Variants in FBXL7 observed in about 807,000 individuals in gnomAD.
The protein encoded by FBXL7 is F-box/LRR-repeat protein 7.
FBXL7 carries 12 observed loss-of-function variants against 38.3 expected under a neutral mutation model. The observed-to-expected ratio is 0.31, with a 90% CI of 0.20 to 0.51. FBXL7 has a LOEUF of 0.51. Among genes scored for constraint, FBXL7 ranks in the 20% least tolerant of loss-of-function variants. The pLI, the probability that FBXL7 is intolerant of heterozygous loss-of-function variation, is 0.98. For synonymous variants in FBXL7, 297 were observed against 300.9 expected, an observed-to-expected ratio of 0.99 and a Z score of 0.13; for missense variants, 567 against 676.4, an observed-to-expected ratio of 0.84 and a Z score of 1.79.
At chr5:15,708,721 T>C (rs1471072767) in intron 2 of FBXL7, among the ~76,000 whole-genome samples, 1 of 152,226 alleles carries the variant, frequency 6.6e-6, no homozygotes, top group Non-Finnish European at 1.5e-5. Context: ...AGTGCTTTTA[T>C]TCTCAGTTCT....
intron 1 of FBXL7, among the ~76,000 whole-genome samples, chr5:15,590,935 T>A (rs1043613502): frequency 1.3e-5 from 2 of 152,184 alleles, no homozygotes; most frequent in African/African-American, 4.8e-5. Flanking sequence ...CCTTTCTATT[T>A]TTATAGGATG....
chr5:15,805,708 T>A (rs1260288160), intron 2 of FBXL7, among the ~76,000 whole-genome samples: 4 of 151,982 alleles, frequency 2.6e-5, no homozygotes, highest in Admixed American at 2.0e-4. Flanking sequence ...AGTAATCTAT[T>A]CAGAAAAAAA....
chr5:15,932,845 C>T lies in FBXL7; in HGVS notation c.740-3605C>T, dbSNP rs559488307. ...AAGTTTCCAAAGACCCCTGGGTGCC[C>T]GGTGTCTGAATGTTCACTTCATTTT... On this transcript the variant is annotated intron_variant, in intron 3 of 3. Coordinates refer to ENST00000504595, the MANE Select transcript of FBXL7 (RefSeq NM_012304.5). Among the ~76,000 whole-genome samples the T allele has an allele frequency of 2.2e-4, 33 of 152,196 alleles. 1 individual carries two copies. The highest frequency in any genetic ancestry group is 1.7e-3 in the South Asian group (8 of 4,820).
chr5:15,936,590 G>T lies in FBXL7; in HGVS notation c.880G>T (p.Ala294Ser). ...VLEDEGLHTI[A>S]AHCTQLTHLY... Reference sequence around the variant, plus strand: ...GGAGGACGAAGGCCTGCACACCATCGCGGCGCACTGCACGCAGCTCACCCA... The same window carrying T: ...GGAGGACGAAGGCCTGCACACCATCTCGGCGCACTGCACGCAGCTCACCCA... Residue 294 changes from alanine to serine, a missense_variant, in exon 4 of 4, where the codon GCG (alanine) becomes TCG (serine). Ala to Ser is a moderately conservative substitution (Grantham distance 99, BLOSUM62 1). Transcript: ENST00000504595. The surrounding 1 kb of genome is among the most constrained non-coding windows in gnomAD (Gnocchi z 6.0). 6.2e-7 allele frequency: 1 copy of T among 1,611,644 alleles called. No homozygotes were observed.
intron 2 of FBXL7, among the ~76,000 whole-genome samples, chr5:15,752,332 G>GGA (rs1736176334): frequency 6.6e-6 from 1 of 151,766 alleles, no homozygotes; most frequent in South Asian, 2.1e-4. Flanking sequence ...AATCTTGGGG[G>GGA]AAAAATGGAA....
intron 2 of FBXL7, among the ~76,000 whole-genome samples, chr5:15,904,280 T>C (rs1297903307): frequency 6.6e-6 from 1 of 152,316 alleles, no homozygotes; most frequent in African/African-American, 2.4e-5. Context: ...CTTTCTGACA[T>C]CTTGTGTACT....
chr5:15,671,452 T>G (rs1742473566), intron 2 of FBXL7, among the ~76,000 whole-genome samples: 1 of 61,770 alleles, frequency 1.6e-5, no homozygotes, highest in Non-Finnish European at 3.3e-5. Context: ...CAATTGGTGT[T>G]TTTTTTTTTG....
chr5:15,891,590 G>A (rs961905960), intron 2 of FBXL7, among the ~76,000 whole-genome samples: 2 of 152,148 alleles, frequency 1.3e-5, no homozygotes, highest in Non-Finnish European at 2.9e-5. Flanking sequence ...ATATAAATGA[G>A]TATATTATAT....
intron 2 of FBXL7, among the ~76,000 whole-genome samples, chr5:15,674,794 G>A (rs989690697): frequency 1.3e-5 from 2 of 152,190 alleles, no homozygotes; most frequent in Admixed American, 1.3e-4. Context: ...GTGGATTTTA[G>A]TGTTTCCCTG....
chr5:15,852,966 G>A (rs1739144045), intron 2 of FBXL7, among the ~76,000 whole-genome samples: 1 of 152,126 alleles, frequency 6.6e-6, no homozygotes, highest in Non-Finnish European at 1.5e-5. Context: ...CTTATGGAGG[G>A]CTGTCACTCA....
chr5:15,640,905 C>T (rs1011153165), intron 2 of FBXL7, among the ~76,000 whole-genome samples: 9 of 152,162 alleles, frequency 5.9e-5, no homozygotes, highest in Non-Finnish European at 1.0e-4. Flanking sequence ...GCTTTCTTCG[C>T]ATCCTTTGCC....
At chr5:15,656,523 T>C (rs1741886458) in intron 2 of FBXL7, among the ~76,000 whole-genome samples, 1 of 152,148 alleles carries the variant, frequency 6.6e-6, no homozygotes, top group African/African-American at 2.4e-5. Context: ...GTGAGATTTA[T>C]TCACTACCAT....
intron 2 of FBXL7, among the ~76,000 whole-genome samples, chr5:15,778,528 C>G (rs1199213598): frequency 6.6e-6 from 1 of 152,148 alleles, no homozygotes; most frequent in Non-Finnish European, 1.5e-5. Context: ...CTGACCTGAT[C>G]TTTTCCCCTA....
chr5:15,727,897 G>C (rs549572277), intron 2 of FBXL7, among the ~76,000 whole-genome samples: 1 of 152,152 alleles, frequency 6.6e-6, no homozygotes, highest in South Asian at 2.1e-4. Flanking sequence ...TTGGGATCTG[G>C]TTACTTCCAT....
intron 2 of FBXL7, among the ~76,000 whole-genome samples, chr5:15,831,641 T>C (rs1179283585): frequency 6.6e-6 from 1 of 152,178 alleles, no homozygotes; most frequent in East Asian, 1.9e-4. Context: ...CCACAGACTG[T>C]GTTCTGTGAA....
At chr5:15,902,965 G>A (rs573401297) in intron 2 of FBXL7, among the ~76,000 whole-genome samples, 20 of 152,304 alleles carry the variant, frequency 1.3e-4, no homozygotes, top group Non-Finnish European at 2.2e-4. Flanking sequence ...AACCCACCAC[G>A]GGTCTGGGCT....
At chr5:15,905,929 T>C (rs1741347446) in intron 2 of FBXL7, among the ~76,000 whole-genome samples, 1 of 151,854 alleles carries the variant, frequency 6.6e-6, no homozygotes, top group African/African-American at 2.4e-5. Flanking sequence ...GAACAGGAAG[T>C]GTAACCAACT....
At chr5:15,513,208 G>T (rs1736847446) in intron 1 of FBXL7, among the ~76,000 whole-genome samples, 1 of 151,450 alleles carries the variant, frequency 6.6e-6, no homozygotes, top group South Asian at 2.1e-4. Flanking sequence ...ACATACATGA[G>T]AATAGATTTA....
intron 1 of FBXL7, among the ~76,000 whole-genome samples, chr5:15,523,929 A>T (rs1467639545): frequency 6.6e-6 from 1 of 152,176 alleles, no homozygotes; most frequent in Non-Finnish European, 1.5e-5. Flanking sequence ...TTGCAGAAGA[A>T]TCAGAAGTTT....
Sources: allele counts gnomAD v4.1 joint callset (sites outside exome capture counted in the v4.1 genomes callset), GRCh38; gene constraint gnomAD v4.1.1; non-coding constraint Gnocchi (gnomAD v3.1); transcripts MANE v1.5; gene names NCBI Gene and HGNC (gene_info 2026-07-23, HGNC 2026-07-21).